The following THADA variants were observed in gnomAD, a reference collection of about 807,000 sequenced individuals.
THADA encodes tRNA (32-2'-O)-methyltransferase regulator THADA.
Under a neutral mutation model 219.8 loss-of-function variants are expected in THADA, and 213 were observed. The observed-to-expected ratio is 0.97, with a 90% CI of 0.87 to 1.09. The LOEUF is 1.09. Ranked by LOEUF, THADA falls within the 50% of genes least tolerant of loss-of-function variation. THADA has a pLI of 0.00. For missense variants in THADA, 2,956 were observed against 2,311.3 expected (o/e 1.28, Z -5.72); for synonymous variants, 1,018 against 828.9 (o/e 1.23, Z -3.92).
At chr2:43,360,779 A>G (rs1669421765) in intron 29 of THADA, among the ~76,000 whole-genome samples, 1 of 152,230 alleles carries the variant, frequency 6.6e-6, no homozygotes, top group South Asian at 2.1e-4. Context: ...GAAAGTTCAA[A>G]GAGAAGTTGT....
chr2:43,425,048 C>T (rs542359220), intron 28 of THADA, among the ~76,000 whole-genome samples: 2 of 152,132 alleles, frequency 1.3e-5, no homozygotes, highest in Admixed American at 6.5e-5. Flanking sequence ...AGGTCCATTC[C>T]GTGTAGCTAA....
intron 29 of THADA, among the ~76,000 whole-genome samples, chr2:43,363,879 G>A (rs1669802918): frequency 6.6e-6 from 1 of 151,976 alleles, no homozygotes; most frequent in Admixed American, 6.6e-5. Context: ...GAGCCATGAT[G>A]GCACCATTGC....
intron 29 of THADA, among the ~76,000 whole-genome samples, chr2:43,387,765 C>T (rs1337462134): frequency 6.6e-6 from 1 of 152,236 alleles, no homozygotes; most frequent in East Asian, 1.9e-4. Context: ...CATTGCACAA[C>T]GCACACACCC....
intron 31 of THADA, among the ~76,000 whole-genome samples, chr2:43,316,764 C>G (rs1296183980): frequency 6.6e-6 from 1 of 152,098 alleles, no homozygotes; most frequent in Non-Finnish European, 1.5e-5. Flanking sequence ...CCCGTCTCCA[C>G]TAAGAATACA....
At chr2:43,329,096 C>T (rs1356718245) in intron 30 of THADA, among the ~76,000 whole-genome samples, 3 of 152,078 alleles carry the variant, frequency 2.0e-5, no homozygotes, top group Non-Finnish European at 4.4e-5. Flanking sequence ...ATTCCTTTTA[C>T]GAGAGATGCG....
intron 12 of THADA, 53 bp from the exon 13 acceptor site, chr2:43,571,915 TA>T: frequency 6.4e-7 from 1 of 1,566,848 alleles, no homozygotes; most frequent in Non-Finnish European, 8.7e-7. Context: ...AAGCAAAGCC[TA>T]AATCACTTGA....
intron 22 of THADA, among the ~76,000 whole-genome samples, chr2:43,522,180 T>C (rs12992860): frequency 0.013 from 1,952 of 152,318 alleles, 19 homozygotes; most frequent in Non-Finnish European, 0.022. Context: ...GTTGTTTGCA[T>C]GTATATTTTA....
intron 1 of THADA, among the ~76,000 whole-genome samples, chr2:43,593,490 T>C (rs1701799296): frequency 6.6e-6 from 1 of 152,162 alleles, no homozygotes; most frequent in South Asian, 2.1e-4. Context: ...CTGAAGGACC[T>C]AGAGAGCACC....
At chr2:43,553,524 A>C (rs1225122453) in intron 17 of THADA, among the ~76,000 whole-genome samples, 1 of 152,170 alleles carries the variant, frequency 6.6e-6, no homozygotes, top group Non-Finnish European at 1.5e-5. Flanking sequence ...CAGGAGCTGG[A>C]AACTTGATAT....
chr2:43,355,898 A>G (rs952666177), intron 29 of THADA, among the ~76,000 whole-genome samples: 4 of 152,228 alleles, frequency 2.6e-5, no homozygotes, highest in African/African-American at 4.8e-5. Flanking sequence ...TTATTTGTGT[A>G]TATCTAAAAA....
intron 28 of THADA, among the ~76,000 whole-genome samples, chr2:43,424,247 C>T (rs978746306): frequency 1.3e-5 from 2 of 152,142 alleles, no homozygotes; most frequent in Non-Finnish European, 2.9e-5. Flanking sequence ...GGTAAGTACA[C>T]ATAAATCAAA....
Position 43,292,818 on chromosome 2 carries a change from A to G in THADA, c.4818+16T>C. Reference sequence around the variant, plus strand: ...TGGGGAGTGTAAAGGGCCAGTCAGTACGTTGGAGACTTTACCTTGCAGAAG... The same window carrying G: ...TGGGGAGTGTAAAGGGCCAGTCAGTGCGTTGGAGACTTTACCTTGCAGAAG... On this transcript the variant is annotated intron_variant, in intron 32 of 37. Transcript: ENST00000405975. 6.2e-7 allele frequency: 1 copy of G among 1,606,264 alleles called. No individual in the cohort carries two copies. Among genetic ancestry groups the G allele is most frequent in the Non-Finnish European group, 8.5e-7 (1 of 1,178,712 alleles).
chr2:43,585,631 T>C (rs952470598), intron 7 of THADA, among the ~76,000 whole-genome samples: 2 of 151,874 alleles, frequency 1.3e-5, no homozygotes, highest in African/African-American at 4.8e-5. Context: ...TGAGGAAAGC[T>C]TCTAATAAGA....
intron 7 of THADA, among the ~76,000 whole-genome samples, chr2:43,584,223 C>T (rs189317156): frequency 7.0e-4 from 107 of 152,046 alleles, no homozygotes; most frequent in Non-Finnish European, 1.2e-3. Flanking sequence ...TTCTTTTGGA[C>T]GCCCTGAATT....
chr2:43,467,945 C>T (rs1422190327), intron 26 of THADA, among the ~76,000 whole-genome samples: 2 of 152,138 alleles, frequency 1.3e-5, no homozygotes, highest in Admixed American at 6.5e-5. Context: ...ATCAAAAGAC[C>T]GCTGAGCTAA....
intron 22 of THADA, among the ~76,000 whole-genome samples, chr2:43,512,871 C>T (rs548197611): frequency 1.3e-5 from 2 of 152,322 alleles, no homozygotes; most frequent in South Asian, 2.1e-4. Flanking sequence ...AACAAATATT[C>T]GTTGGATGTC....
intron 26 of THADA, chr2:43,430,590 A>G: frequency 2.1e-6 from 1 of 478,396 alleles, no homozygotes; most frequent in Non-Finnish European, 4.1e-6. Flanking sequence ...AATCTGTGCC[A>G]ATGCCAAGTT....
chr2:43,425,023 C>T (rs1367035377), intron 28 of THADA, among the ~76,000 whole-genome samples: 1 of 152,204 alleles, frequency 6.6e-6, no homozygotes, highest in Non-Finnish European at 1.5e-5. Flanking sequence ...CAGTTGCATA[C>T]ATTTCAGACC....
In THADA at chr2:43,292,953, T is replaced by C; in HGVS notation, c.4699A>G (p.Lys1567Glu). The change falls in exon 32 of 38, where the codon AAG becomes GAG. Residue 1567 changes from lysine to glutamate, a missense_variant. Coordinates refer to ENST00000405975, the MANE Select transcript of THADA (RefSeq NM_022065.5). ...AGTCCAGAGGCTGCTGCTAAGAACT[T>C]TTCCAAGAGGGCTTCCAGTGTTAGT... is the stretch of plus-strand genomic sequence containing the variant. ...RSLTLEALLEKFLAAASGLGE... is the reference protein window; with the variant it reads ...RSLTLEALLEEFLAAASGLGE... 4 of 1,614,050 alleles carry C rather than the reference T, an allele frequency of 2.5e-6. No homozygotes were observed. The Admixed American group carries it at 5.0e-5, about 20-fold the overall frequency.
Sources: gnomAD v4.1 joint callset for allele counts (sites outside exome capture counted in the v4.1 genomes callset) on GRCh38, gnomAD v4.1.1 for gene constraint, MANE v1.5 for transcripts, NCBI Gene and HGNC (gene_info 2026-07-23, HGNC 2026-07-21) for gene names.